Variants in ADGRA3 observed in about 807,000 individuals in gnomAD.
ADGRA3 encodes G-protein coupled receptor 125.
Under a neutral mutation model 119.8 loss-of-function variants are expected in ADGRA3, and 56 were observed. The ratio of observed to expected loss-of-function variants is 0.47; its 90% confidence interval spans 0.38 to 0.58. The LOEUF (loss-of-function observed/expected upper bound fraction) is 0.58, where lower values mean the gene tolerates loss of function less well. Among genes scored for constraint, ADGRA3 ranks in the 20% least tolerant of loss-of-function variants. The pLI, the probability that ADGRA3 is intolerant of heterozygous loss-of-function variation, is 0.00. For synonymous variants in ADGRA3, 607 were observed against 623.8 expected (o/e 0.97, Z 0.40); for missense variants, 1,516 against 1,649.0 (o/e 0.92, Z 1.40).
Position 22,515,695 on chromosome 4 carries a change from G to T in ADGRA3, c.90C>A (p.Gly30=). 4 of 1,088,702 alleles carry T rather than the reference G, an allele frequency of 3.7e-6. No homozygotes were observed. The highest frequency in any genetic ancestry group is 8.6e-5 in the South Asian group (2 of 23,340). The allele number at this position is 1,088,702 out of a possible 1,614,324, so 67.4% of individuals were successfully genotyped here. Reference sequence around the variant, plus strand: ...GCGCCGCGGCGCCGCCGCCGCCGCCGCCTCCCAGCAGCGCGAGCAGCGCTA... The same window carrying T: ...GCGCCGCGGCGCCGCCGCCGCCGCCTCCTCCCAGCAGCGCGAGCAGCGCTA... ...SLLALLALLG[G]GGGGGAAALP... is the part of the protein sequence containing the mutation. Residue 30 remains glycine (G), a synonymous_variant, in exon 1 of 19, where the codon GGC becomes GGA. Transcript: ENST00000334304.
At chr4:22,491,894 GAA>G (rs1718635367) in intron 1 of ADGRA3, among the ~76,000 whole-genome samples, 1 of 152,166 alleles carries the variant, frequency 6.6e-6, no homozygotes, top group African/African-American at 2.4e-5. Context: ...ACTATGAGAA[GAA>G]CGGATTTCTT....
At chr4:22,459,898 G>A (rs749978892) in intron 3 of ADGRA3, among the ~76,000 whole-genome samples, 5 of 151,772 alleles carry the variant, frequency 3.3e-5, no homozygotes, top group South Asian at 2.1e-4. Flanking sequence ...TGGTAGCCCC[G>A]CACTGTCAAA....
At chr4:22,500,434 G>C (rs1393535694) in intron 1 of ADGRA3, among the ~76,000 whole-genome samples, 2 of 144,922 alleles carry the variant, frequency 1.4e-5, no homozygotes, top group Admixed American at 7.0e-5. Context: ...ACAGCACCTA[G>C]AACACGATCA....
At chr4:22,417,503 T>C (rs1715477022) in intron 12 of ADGRA3, among the ~76,000 whole-genome samples, 1 of 152,162 alleles carries the variant, frequency 6.6e-6, no homozygotes, top group Non-Finnish European at 1.5e-5. Context: ...TTAAGGACCA[T>C]TTCATAATCT....
intron 10 of ADGRA3, among the ~76,000 whole-genome samples, chr4:22,434,444 G>A (rs1716314093): frequency 6.6e-6 from 1 of 152,180 alleles, no homozygotes; most frequent in East Asian, 1.9e-4. Flanking sequence ...GAAGGTGAAT[G>A]TGATGCTACA....
intron 1 of ADGRA3, among the ~76,000 whole-genome samples, chr4:22,512,069 A>AT (rs34101090): frequency 0.99 from 149,543 of 151,518 alleles, 73,811 homozygotes; most frequent in Non-Finnish European, 0.99. Context: ...TCCAGCTAAT[A>AT]TCTGTATTTT....
Position 22,487,578 on chromosome 4 carries a change from A to G in ADGRA3, c.258-13735T>C, listed in dbSNP as rs188651924. On this transcript the variant is annotated intron_variant, in intron 1 of 18. Coordinates refer to ENST00000334304, the MANE Select transcript of ADGRA3 (RefSeq NM_145290.4). ...GGGGTTGGTGACCCTTGGTCTAAAT[A>G]ACAGTATAAGTGGTATCTAATGACA... 3.3e-5 allele frequency among the ~76,000 whole-genome samples: 5 copies of G among 152,182 alleles called. No individual in the cohort carries two copies. The East Asian group carries it at 9.7e-4, about 30-fold the overall frequency.
intron 1 of ADGRA3, among the ~76,000 whole-genome samples, chr4:22,494,148 T>C (rs1718728053): frequency 2.0e-5 from 3 of 149,908 alleles, no homozygotes; most frequent in Non-Finnish European, 4.4e-5. Context: ...GAGGTTGCAG[T>C]GAGCCGAGAT....
At chr4:22,503,248 G>C (rs917242202) in intron 1 of ADGRA3, among the ~76,000 whole-genome samples, 2 of 152,134 alleles carry the variant, frequency 1.3e-5, no homozygotes, top group Admixed American at 6.6e-5. Context: ...TAAACAAACA[G>C]CAGGTTAAAA....
At chr4:22,409,428 G>A (rs1715095597) in intron 14 of ADGRA3, among the ~76,000 whole-genome samples, 1 of 152,150 alleles carries the variant, frequency 6.6e-6, no homozygotes, top group South Asian at 2.1e-4. Context: ...AGGAGACTTA[G>A]CAGAGGGATT....
chr4:22,514,332 A>G (rs1577395161), intron 1 of ADGRA3: 1 of 152,082 alleles, frequency 6.6e-6, no homozygotes, highest in South Asian at 2.1e-4. Flanking sequence ...TAAAACAAAA[A>G]CTCTTTCATC....
intron 4 of ADGRA3, among the ~76,000 whole-genome samples, chr4:22,449,174 A>G (rs1716936980): frequency 6.6e-6 from 1 of 151,794 alleles, no homozygotes; most frequent in South Asian, 2.1e-4. Context: ...GGAAGCTGAG[A>G]CACGAGAATG....
At chr4:22,424,522 T>C (rs531524484) in intron 10 of ADGRA3, among the ~76,000 whole-genome samples, 170 bp from the exon 11 acceptor site, 2 of 152,202 alleles carry the variant, frequency 1.3e-5, no homozygotes, top group Non-Finnish European at 2.9e-5. Context: ...ATATGAACAG[T>C]TATTTCAAGT....
chr4:22,473,306 G>C (rs981615183), intron 2 of ADGRA3: 1 of 152,762 alleles, frequency 6.5e-6, no homozygotes, highest in African/African-American at 2.4e-5. Flanking sequence ...CTATAGCAAT[G>C]CAAGAATGGC....
intron 3 of ADGRA3, among the ~76,000 whole-genome samples, chr4:22,458,050 G>GA (rs930441608): frequency 1.3e-5 from 2 of 152,084 alleles, no homozygotes; most frequent in African/African-American, 2.4e-5. Context: ...CCCATTGAGG[G>GA]AAAAAAATAG....
chr4:22,406,263 G>A (rs1023162793), intron 14 of ADGRA3, among the ~76,000 whole-genome samples: 12 of 152,124 alleles, frequency 7.9e-5, no homozygotes, highest in African/African-American at 2.7e-4. Flanking sequence ...CTTGGCTATC[G>A]TGAATAGTGC....
At chr4:22,421,370 A>T (rs989781684) in intron 11 of ADGRA3, among the ~76,000 whole-genome samples, 1 of 152,168 alleles carries the variant, frequency 6.6e-6, no homozygotes, top group Non-Finnish European at 1.5e-5. Context: ...TCAATTAAAA[A>T]TAATTTAAGG....
intron 17 of ADGRA3, among the ~76,000 whole-genome samples, chr4:22,391,085 C>T (rs1714113942): frequency 6.6e-6 from 1 of 152,172 alleles, no homozygotes; most frequent in Non-Finnish European, 1.5e-5. Context: ...CACGGCCCAT[C>T]TATTAAACAT....
chr4:22,406,142 A>G (rs1320478841), intron 14 of ADGRA3, among the ~76,000 whole-genome samples: 1 of 152,130 alleles, frequency 6.6e-6, no homozygotes, highest in Non-Finnish European at 1.5e-5. Flanking sequence ...AAATGACAAG[A>G]TTTCATTCTT....
Sources: gnomAD v4.1 joint callset for allele counts (sites outside exome capture counted in the v4.1 genomes callset) on GRCh38, gnomAD v4.1.1 for gene constraint, MANE v1.5 for transcripts, NCBI Gene and HGNC (gene_info 2026-07-23, HGNC 2026-07-21) for gene names.